Variants in TOGARAM2 observed in about 807,000 individuals in gnomAD.
TOGARAM2 encodes the protein TOG array regulator of axonemal microtubules protein 2.
In TOGARAM2, 85 loss-of-function variants were observed where a neutral mutation model predicts 93.3. That is an observed-to-expected ratio of 0.91 (90% CI 0.76 to 1.09). The LOEUF is 1.09. Ranked by LOEUF, TOGARAM2 falls within the 50% of genes least tolerant of loss-of-function variation. TOGARAM2 has a pLI of 0.00. For synonymous variants in TOGARAM2, 593 were observed against 552.8 expected (o/e 1.07, Z -1.02); for missense variants, 1,277 against 1,334.5 (o/e 0.96, Z 0.67).
intron 1 of TOGARAM2, among the ~76,000 whole-genome samples, chr2:28,963,838 T>C (rs913392626): frequency 6.6e-6 from 1 of 152,112 alleles, no homozygotes; most frequent in African/African-American, 2.4e-5. Flanking sequence ...TGAAAACTTG[T>C]CTCTACTAAA....
At chr2:29,034,861 G>A (rs1055797759) in intron 16 of TOGARAM2, among the ~76,000 whole-genome samples, 1 of 152,138 alleles carries the variant, frequency 6.6e-6, no homozygotes, top group African/African-American at 2.4e-5. Flanking sequence ...CATTAAATGT[G>A]CACCAGTTGG....
upstream of TOGARAM2, among the ~76,000 whole-genome samples, chr2:28,979,349 C>A (rs905916100): frequency 1.3e-5 from 2 of 152,210 alleles, no homozygotes; most frequent in Admixed American, 6.5e-5. Flanking sequence ...GTCACTGGAG[C>A]CACCCCAGGG....
intron 14 of TOGARAM2, among the ~76,000 whole-genome samples, chr2:29,028,743 G>C (rs1160354491): frequency 1.3e-5 from 2 of 152,226 alleles, no homozygotes; most frequent in Non-Finnish European, 2.9e-5. Context: ...AGACTGGAGA[G>C]TGGTGGGTGG....
chr2:29,043,973 A>C (rs1240728668), intron 18 of TOGARAM2, among the ~76,000 whole-genome samples: 1 of 152,244 alleles, frequency 6.6e-6, no homozygotes, highest in African/African-American at 2.4e-5. Flanking sequence ...GGAGCCAGAC[A>C]GCCAATTTAT....
intron 1 of TOGARAM2, among the ~76,000 whole-genome samples, chr2:28,976,251 G>A (rs893380157): frequency 2.6e-5 from 4 of 152,240 alleles, no homozygotes; most frequent in East Asian, 3.9e-4. Flanking sequence ...GGTGCCTGTA[G>A]TCCCAGCTAC....
At chr2:29,011,358 C>T (rs1664234154) in intron 6 of TOGARAM2, 97 bp from the exon 7 acceptor site, 7 of 1,044,722 alleles carry the variant, frequency 6.7e-6, no homozygotes, top group African/African-American at 1.6e-5. Flanking sequence ...TCCCCCATCT[C>T]GGCCATTGCC....
upstream of TOGARAM2, chr2:28,981,276 C>T (rs987343707): frequency 1.3e-5 from 2 of 152,286 alleles, no homozygotes; most frequent in African/African-American, 4.8e-5. Context: ...GCTCCTTCAG[C>T]GAGTGGTTGC....
chr2:28,985,057 A>G (rs1672404096), intron 1 of TOGARAM2, among the ~76,000 whole-genome samples: 1 of 152,220 alleles, frequency 6.6e-6, no homozygotes, highest in Non-Finnish European at 1.5e-5. Context: ...CCACAAATGC[A>G]AATGTTAAAG....
intron 1 of TOGARAM2, among the ~76,000 whole-genome samples, chr2:28,987,337 T>C (rs1351649265): frequency 6.6e-6 from 1 of 152,182 alleles, no homozygotes; most frequent in Non-Finnish European, 1.5e-5. Context: ...TCACCTAGGC[T>C]GGAGTGCAGT....
intron 1 of TOGARAM2, among the ~76,000 whole-genome samples, chr2:28,993,955 C>T (rs1338233384): frequency 6.6e-6 from 1 of 152,232 alleles, no homozygotes; most frequent in Non-Finnish European, 1.5e-5. Flanking sequence ...GTGGGCTTCA[C>T]CCCTGGTCTT....
intron 18 of TOGARAM2, 46 bp from the exon 19 acceptor site, chr2:29,045,278 C>T: frequency 2.0e-6 from 3 of 1,516,640 alleles, no homozygotes; most frequent in South Asian, 1.2e-5. Flanking sequence ...AGTGCTGTCA[C>T]TCAGCCCCCA....
intron 1 of TOGARAM2, among the ~76,000 whole-genome samples, chr2:28,984,198 C>T (rs1672361280): frequency 6.6e-6 from 1 of 152,106 alleles, no homozygotes; most frequent in Non-Finnish European, 1.5e-5. Flanking sequence ...GCCCAACTCA[C>T]ATCCCTTCCT....
At chr2:29,023,434 C>T (rs140613439) in intron 12 of TOGARAM2, among the ~76,000 whole-genome samples, 8 of 152,312 alleles carry the variant, frequency 5.3e-5, no homozygotes, top group East Asian at 1.9e-4. Flanking sequence ...GCCCATGTGT[C>T]GGCCTGCATG....
intron 19 of TOGARAM2, 128 bp from the exon 20 acceptor site, chr2:29,051,628 C>T (rs1489066124): frequency 3.0e-6 from 2 of 656,136 alleles, no homozygotes; most frequent in Admixed American, 3.3e-5. Flanking sequence ...CTAAATGTGT[C>T]ATGATCCTTA....
Position 28,998,162 on chromosome 2 carries a change from G to A in TOGARAM2, c.48G>A (p.Val16=), listed in dbSNP as rs758244681. The part of the protein sequence containing the change: ...DVPEAKVLVP[V]AVYCGSIPRT... Reference sequence around the variant, plus strand: ...CTCCAGCCAAGGTCCTGGTCCCCGTGGCCGTGTACTGCGGGAGCATCCCTC... The same window carrying A: ...CTCCAGCCAAGGTCCTGGTCCCCGTAGCCGTGTACTGCGGGAGCATCCCTC... Residue 16 remains valine (V), a synonymous_variant, in exon 3 of 20, where the codon GTG becomes GTA. Coordinates refer to ENST00000379558, the MANE Select transcript of TOGARAM2 (RefSeq NM_199280.4). 2 of 1,609,482 alleles carry A rather than the reference G, an allele frequency of 1.2e-6. No individual in the cohort carries two copies. The highest frequency in any genetic ancestry group is 4.5e-5 in the East Asian group (2 of 44,742).
rs370191199 is a variant in TOGARAM2, at chr2:29,024,104, C to T, written c.1618-35C>T. ...TGCGTCCCAGAGCCCTTGGCAGGGT[C>T]CAGCACCCTGGAGGGCCTCTCTCCT... On this transcript the variant is annotated intron_variant, in intron 12 of 19. Coordinates refer to ENST00000379558, the MANE Select transcript of TOGARAM2 (RefSeq NM_199280.4). 1.6e-5 allele frequency: 24 copies of T among 1,535,608 alleles called. No homozygotes were observed. The African/African-American group carries it at 3.2e-4, about 20-fold the overall frequency.
At chr2:28,965,953 T>C (rs761678685) in intron 1 of TOGARAM2, among the ~76,000 whole-genome samples, 2 of 152,216 alleles carry the variant, frequency 1.3e-5, no homozygotes, top group Non-Finnish European at 2.9e-5. Context: ...TCCAGTTTTC[T>C]CATTGTTTCT....
At chr2:28,980,606 C>T (rs1316800969), upstream of TOGARAM2, among the ~76,000 whole-genome samples, 1 of 152,166 alleles carries the variant, frequency 6.6e-6, no homozygotes, top group Non-Finnish European at 1.5e-5. Flanking sequence ...GAGAGGATGC[C>T]AGCCTGGGAT....
chr2:29,026,669 C>G (rs1665391563), intron 13 of TOGARAM2, among the ~76,000 whole-genome samples, 184 bp from the exon 14 acceptor site: 1 of 152,174 alleles, frequency 6.6e-6, no homozygotes, highest in African/African-American at 2.4e-5. Context: ...TTGCTGTCAC[C>G]CTGTTCGTAG....
Sources: allele counts gnomAD v4.1 joint callset (sites outside exome capture counted in the v4.1 genomes callset), GRCh38; gene constraint gnomAD v4.1.1; transcripts MANE v1.5; gene names NCBI Gene and HGNC (gene_info 2026-07-23, HGNC 2026-07-21).